The following ARHGEF7 variants were observed in gnomAD, a reference collection of about 807,000 sequenced individuals.
ARHGEF7 encodes the protein PAK-interacting exchange factor beta.
ARHGEF7 carries 33 observed loss-of-function variants against 109.8 expected under a neutral mutation model. The observed-to-expected ratio is 0.30, with a 90% CI of 0.23 to 0.40. ARHGEF7 has a LOEUF of 0.40. Among genes scored for constraint, ARHGEF7 ranks in the 10% least tolerant of loss-of-function variants. The pLI, the probability that ARHGEF7 is intolerant of heterozygous loss-of-function variation, is 1.00. For synonymous variants in ARHGEF7, 458 were observed against 424.6 expected (o/e 1.08, Z -0.97); for missense variants, 938 against 1,098.5 (o/e 0.85, Z 2.07).
At chr13:111,197,893 C>T (rs945557580) in intron 2 of ARHGEF7, among the ~76,000 whole-genome samples, 4 of 151,348 alleles carry the variant, frequency 2.6e-5, no homozygotes, top group East Asian at 1.9e-4. Context: ...GGTGAGAGGA[C>T]GTTTGTCTGA....
intron 2 of ARHGEF7, among the ~76,000 whole-genome samples, chr13:111,183,502 T>G (rs919799354): frequency 1.3e-4 from 20 of 152,232 alleles, no homozygotes; most frequent in African/African-American, 4.3e-4. Flanking sequence ...CATCTGTGGC[T>G]TCGTCTTTTC....
chr13:111,278,850 G>C (rs527993204), intron 13 of ARHGEF7, among the ~76,000 whole-genome samples: 20 of 152,356 alleles, frequency 1.3e-4, no homozygotes, highest in South Asian at 1.2e-3. Flanking sequence ...GTTGTCACTT[G>C]TGGCAGGCTT....
rs977840740 is a variant in ARHGEF7, at chr13:111,255,663, A to G, written c.950+11369A>G. On this transcript the variant is annotated intron_variant, in intron 8 of 21. Transcript: ENST00000646102. The surrounding 1 kb of genome is among the most constrained non-coding windows in gnomAD (Gnocchi z 4.1). Reference sequence around the variant, plus strand: ...CTGAGTGAGCTGGCTGGTGTTCGTGAAAGAAGATCTGTTTTCAGTCACATT... The same window carrying G: ...CTGAGTGAGCTGGCTGGTGTTCGTGGAAGAAGATCTGTTTTCAGTCACATT... 1.3e-5 allele frequency among the ~76,000 whole-genome samples: 2 copies of G among 152,218 alleles called. No individual in the cohort carries two copies. The highest frequency in any genetic ancestry group is 1.5e-5 in the Non-Finnish European group (1 of 68,038).
chr13:111,187,157 T>C (rs947136245), intron 2 of ARHGEF7, among the ~76,000 whole-genome samples: 46 of 152,364 alleles, frequency 3.0e-4, no homozygotes, highest in African/African-American at 1.1e-3. Flanking sequence ...GGGGACTGTC[T>C]GAATTTTTGT....
chr13:111,221,219 ATATATATC>A (rs2083871977), intron 5 of ARHGEF7, among the ~76,000 whole-genome samples: 1 of 58,960 alleles, frequency 1.7e-5, no homozygotes, highest in African/African-American at 7.8e-5. Flanking sequence ...ATATATGTCT[ATATATATC>A]TATATAGATA....
At chr13:111,285,921 TA>T (rs544234337) in intron 16 of ARHGEF7, among the ~76,000 whole-genome samples, 147 of 145,260 alleles carry the variant, frequency 1.0e-3, no homozygotes, top group African/African-American at 2.3e-3. Flanking sequence ...TTATTAGAAT[TA>T]AAAAAAAAAA....
intron 5 of ARHGEF7, among the ~76,000 whole-genome samples, chr13:111,223,610 A>G (rs1038189600): frequency 6.6e-6 from 1 of 152,164 alleles, no homozygotes; most frequent in Non-Finnish European, 1.5e-5. Context: ...GTTCTTGTCA[A>G]GGTTCACCGT....
rs181602138 is a variant in ARHGEF7 at position 111,155,268 on chromosome 13, C to T, written c.252+1277C>T. Reference sequence around the variant, plus strand: ...ATAACCCAACAGAGGTTTCCCTTCCCGAAGAATATTTTGCTATAGGTTTCT... The same window carrying T: ...ATAACCCAACAGAGGTTTCCCTTCCTGAAGAATATTTTGCTATAGGTTTCT... On this transcript the variant is annotated intron_variant, in intron 2 of 21. Transcript: ENST00000646102. Among the ~76,000 whole-genome samples the T allele has an allele frequency of 2.0e-3, 311 of 152,248 alleles. 2 individuals are homozygous for T. Among genetic ancestry groups the T allele is most frequent in the Admixed American group, 5.7e-3 (88 of 15,306 alleles).
At chr13:111,189,591 G>A (rs1356854692) in intron 2 of ARHGEF7, among the ~76,000 whole-genome samples, 1 of 152,218 alleles carries the variant, frequency 6.6e-6, no homozygotes, top group Non-Finnish European at 1.5e-5. Context: ...ATTGTGAAGA[G>A]CGAAAGAACA....
At chr13:111,203,750 C>G (rs1405461920) in intron 2 of ARHGEF7, among the ~76,000 whole-genome samples, 1 of 152,184 alleles carries the variant, frequency 6.6e-6, no homozygotes, top group Non-Finnish European at 1.5e-5. Context: ...ACTATTTTTA[C>G]TTATTTGGAA....
At chr13:111,195,519 A>G (rs2080391675) in intron 2 of ARHGEF7, among the ~76,000 whole-genome samples, 1 of 152,218 alleles carries the variant, frequency 6.6e-6, no homozygotes, top group Non-Finnish European at 1.5e-5. Flanking sequence ...AGGCCTCGCC[A>G]GTGTCCAAGA....
rs544066392 is a variant in ARHGEF7 at position 111,142,917 on chromosome 13, A to G, written c.166-10988A>G. Among the ~76,000 whole-genome samples, 67 of 152,348 alleles carry G rather than the reference A, an allele frequency of 4.4e-4. 1 individual carries two copies. Among genetic ancestry groups the G allele is most frequent in the South Asian group, 3.5e-3 (17 of 4,828 alleles). ...GCTCTGAGACTTGAACTTGCATTAA[A>G]CACAGCTTTGAAGCAAAGACTCTTG... On this transcript the variant is annotated intron_variant, in intron 1 of 21. Coordinates refer to ENST00000646102, the MANE Select transcript of ARHGEF7 (RefSeq NM_001354046.2).
At chr13:111,155,182 C>A (rs1175036832) in intron 2 of ARHGEF7, among the ~76,000 whole-genome samples, 2 of 152,116 alleles carry the variant, frequency 1.3e-5, no homozygotes, top group Non-Finnish European at 2.9e-5. Flanking sequence ...GGAACCAATT[C>A]CCTGCTGATA....
rs139746443 is a variant in ARHGEF7, at chr13:111,268,733, C to A, written c.1073+1063C>A. Among the ~76,000 whole-genome samples the A allele has an allele frequency of 7.2e-4, 110 of 152,318 alleles. 1 individual carries two copies. In the East Asian group the frequency reaches 0.013, roughly 19 times the overall value. The stretch of plus-strand genomic sequence containing the variant: ...CTGTCTCTGGGTTTCAGCTTCCTTT[C>A]CTGAAGGAACTCATTCACAGGGGTG... On this transcript the variant is annotated intron_variant, in intron 9 of 21. Coordinates refer to ENST00000646102, the MANE Select transcript of ARHGEF7 (RefSeq NM_001354046.2).
chr13:111,240,116 G>A (rs1265810122), intron 6 of ARHGEF7, among the ~76,000 whole-genome samples: 1 of 152,140 alleles, frequency 6.6e-6, no homozygotes, highest in Non-Finnish European at 1.5e-5. Flanking sequence ...AGTCAGTGGT[G>A]GAGCGCAGCT....
chr13:111,156,123 T>G (rs894245379), intron 2 of ARHGEF7, among the ~76,000 whole-genome samples: 2 of 151,412 alleles, frequency 1.3e-5, no homozygotes, highest in Non-Finnish European at 2.9e-5. Flanking sequence ...TGTTAAAAAC[T>G]TACCGTTTTT....
At chr13:111,236,292 A>C (rs1237604979) in intron 6 of ARHGEF7, among the ~76,000 whole-genome samples, 1 of 152,036 alleles carries the variant, frequency 6.6e-6, no homozygotes, top group African/African-American at 2.4e-5. Flanking sequence ...CTGCTTTGAA[A>C]CCTTTATCTC....
chr13:111,242,642 C>A (rs948336671), intron 6 of ARHGEF7, among the ~76,000 whole-genome samples: 1 of 152,224 alleles, frequency 6.6e-6, no homozygotes, highest in African/African-American at 2.4e-5. Flanking sequence ...ATTCCACTTT[C>A]TTCACTTACG....
intron 18 of ARHGEF7, among the ~76,000 whole-genome samples, chr13:111,291,557 C>A (rs1166868192): frequency 6.6e-6 from 1 of 152,256 alleles, no homozygotes; most frequent in African/African-American, 2.4e-5. Flanking sequence ...TCAGGTAAGT[C>A]CAGACCCACT....
Sources: allele counts gnomAD v4.1 joint callset (sites outside exome capture counted in the v4.1 genomes callset), GRCh38; gene constraint gnomAD v4.1.1; non-coding constraint Gnocchi (gnomAD v3.1); transcripts MANE v1.5; gene names NCBI Gene and HGNC (gene_info 2026-07-23, HGNC 2026-07-21).